The following EIF2AK1 variants were observed in gnomAD, a reference collection of about 807,000 sequenced individuals.
EIF2AK1 encodes eukaryotic translation initiation factor 2-alpha kinase 1.
A neutral mutation model predicts 77.9 loss-of-function variants in EIF2AK1; 54 were observed. That is an observed-to-expected ratio of 0.69 (90% CI 0.56 to 0.87). EIF2AK1 has a LOEUF of 0.87. Ranked by LOEUF, EIF2AK1 falls within the 40% of genes least tolerant of loss-of-function variation. The pLI is 0.00. For missense variants in EIF2AK1, 810 were observed against 768.6 expected, an observed-to-expected ratio of 1.05 and a Z score of -0.64; for synonymous variants, 314 against 290.5, an observed-to-expected ratio of 1.08 and a Z score of -0.82.
rs3213665 is a variant in EIF2AK1, at chr7:6,048,789, A to G, written c.449+18T>C. 95,307 of 1,568,766 alleles carry G rather than the reference A, an allele frequency of 0.061. 5,777 individuals are homozygous for G. The highest frequency in any genetic ancestry group is 0.37 in the East Asian group (16,162 of 44,064). ...CTTTTCAATAGTCTGCATAATCAAG[A>G]AAGTTTTTCACACATACCTGATTTT... On this transcript the variant is annotated intron_variant, in intron 4 of 14. Coordinates refer to ENST00000199389, the MANE Select transcript of EIF2AK1 (RefSeq NM_014413.4).
chr7:6,058,917 C>T, intron 1 of EIF2AK1, 49 bp downstream of exon 1: 2 of 1,452,414 alleles, frequency 1.4e-6, no homozygotes, highest in Non-Finnish European at 1.8e-6. Context: ...CCCAGAAACG[C>T]AGGTGGACAG....
At chr7:6,043,964 C>T (rs1443025837) in intron 7 of EIF2AK1, among the ~76,000 whole-genome samples, 3 of 150,972 alleles carry the variant, frequency 2.0e-5, no homozygotes, top group East Asian at 2.0e-4. Flanking sequence ...CCAGGCGTGG[C>T]GGCACACACC....
At chr7:6,044,510 C>T (rs559940730) in intron 7 of EIF2AK1, 52 bp downstream of exon 7, 127 of 1,474,476 alleles carry the variant, frequency 8.6e-5, no homozygotes, top group Admixed American at 1.2e-4. Flanking sequence ...ATTTGGTGCA[C>T]GGGCTAAAGT....
chr7:6,047,444 G>C (rs1055651443), intron 4 of EIF2AK1, among the ~76,000 whole-genome samples: 6 of 152,108 alleles, frequency 3.9e-5, no homozygotes, highest in African/African-American at 1.4e-4. Context: ...GGAGGCCGAG[G>C]AGGGCAGATC....
chr7:6,053,163 C>G (rs1048842267), intron 2 of EIF2AK1, among the ~76,000 whole-genome samples: 18 of 152,192 alleles, frequency 1.2e-4, no homozygotes, highest in African/African-American at 4.3e-4. Context: ...TTTCCAGACT[C>G]ACAGCATTAA....
rs753779282 is a variant in EIF2AK1, at chr7:6,023,339, T to C, written c.*1334A>G. On this transcript the variant is annotated 3_prime_UTR_variant, in exon 15 of 15. Coordinates refer to ENST00000199389, the MANE Select transcript of EIF2AK1 (RefSeq NM_014413.4). ...CAGATGAAATTCAGCATCCAGACGATGTGCCCCATCGAAGGCGAAGGGAAC... is the reference window on the plus strand; with the variant it reads ...CAGATGAAATTCAGCATCCAGACGACGTGCCCCATCGAAGGCGAAGGGAAC... The C allele has an allele frequency of 9.3e-6, 15 of 1,609,646 alleles. No homozygotes were observed. Among genetic ancestry groups the C allele is most frequent in the Non-Finnish European group, 1.3e-5 (15 of 1,178,704 alleles).
intron 11 of EIF2AK1, among the ~76,000 whole-genome samples, chr7:6,034,298 C>T (rs991749108): frequency 6.6e-6 from 1 of 151,946 alleles, no homozygotes; most frequent in Non-Finnish European, 1.5e-5. Flanking sequence ...CAGAGCAAGA[C>T]TCCATCTCAA....
At chr7:6,031,569 G>C in intron 11 of EIF2AK1, 1 of 1,550,746 alleles carries the variant, frequency 6.4e-7, no homozygotes, top group Non-Finnish European at 8.7e-7. Flanking sequence ...AACTCCGCCA[G>C]CAACAGATTA....
At chr7:6,054,864 C>T (rs1219369454) in intron 1 of EIF2AK1, among the ~76,000 whole-genome samples, 160 bp from the exon 2 acceptor site, 1 of 152,112 alleles carries the variant, frequency 6.6e-6, no homozygotes, top group African/African-American at 2.4e-5. Flanking sequence ...GAAAGGCTTT[C>T]TGGAAGTGAA....
Position 6,059,017 on chromosome 7 carries a change from C to G in EIF2AK1, c.67G>C (p.Ala23Pro). Residue 23 changes from alanine to proline, a missense_variant, in exon 1 of 15, where the codon GCG becomes CCG. By Grantham distance (27) the Ala-to-Pro change is conservative. This residue lies in a region of EIF2AK1 where 246 missense variants were observed against 199.0 expected (regional missense o/e 1.24). Transcript: ENST00000199389. ...GCGGGAAAGTCGATGGCCGGCGGCG[C>G]AGCCACAGCCCCAGCCCCGTCGCCC... ...EEGDGAGAVA[A>P]PPAIDFPAEG... is the part of the protein sequence containing the mutation. 6.5e-7 allele frequency: 1 copy of G among 1,541,394 alleles called. No homozygotes were observed. Among genetic ancestry groups the G allele is most frequent in the Non-Finnish European group, 8.7e-7 (1 of 1,148,472 alleles).
At chr7:6,058,305 T>G (rs1788850976) in intron 1 of EIF2AK1, 1 of 371,784 alleles carries the variant, frequency 2.7e-6, no homozygotes, top group Non-Finnish European at 5.3e-6. Context: ...TGGTCCCAGC[T>G]ACTCGGGAGG....
In EIF2AK1 at chr7:6,044,918, G is replaced by A. The variant is rs560013913; in HGVS notation, c.631-257C>T. ...CAACTATTGAGTAATGTAAGTGTTC[G>A]AAGCACATTTAAGGTAGGCAGGGTA... On this transcript the variant is annotated intron_variant, in intron 6 of 14. Coordinates refer to ENST00000199389, the MANE Select transcript of EIF2AK1 (RefSeq NM_014413.4). Among the ~76,000 whole-genome samples the A allele has an allele frequency of 6.6e-5, 10 of 152,158 alleles. 1 individual carries two copies. Among genetic ancestry groups the A allele is most frequent in the African/African-American group, 2.2e-4 (9 of 41,510 alleles).
chr7:6,052,583 G>T (rs1423675987), intron 2 of EIF2AK1, among the ~76,000 whole-genome samples: 1 of 44,826 alleles, frequency 2.2e-5, no homozygotes, highest in African/African-American at 1.0e-4. Flanking sequence ...GACTGTTTTG[G>T]TAAAAAAAAA....
Position 6,037,500 on chromosome 7 carries a change from G to C in EIF2AK1, c.1256C>G (p.Ala419Gly). The C allele has an allele frequency of 6.2e-7, 1 of 1,607,926 alleles. No individual in the cohort carries two copies. Among genetic ancestry groups the C allele is most frequent in the Non-Finnish European group, 8.5e-7 (1 of 1,176,962 alleles). Residue 419 changes from alanine to glycine, a missense_variant, in exon 11 of 15, where the codon GCA (alanine) becomes GGA (glycine). By Grantham distance (60) the Ala-to-Gly change is moderately conservative. Coordinates refer to ENST00000199389, the MANE Select transcript of EIF2AK1 (RefSeq NM_014413.4). ...TACCAATTCTTGAAAAATTTTTGTT[G>C]CAACATTGGCCATAACATAAGGACC... The part of the protein sequence containing the change: ...SACPYVMANV[A>G]TKIFQELVEG...
intron 11 of EIF2AK1, among the ~76,000 whole-genome samples, chr7:6,030,674 T>C (rs1420141379): frequency 6.6e-6 from 1 of 152,162 alleles, no homozygotes; most frequent in Non-Finnish European, 1.5e-5. Context: ...ACTTTTTGTA[T>C]TTTTAGTAGC....
chr7:6,041,940 G>C (rs1788310894), intron 8 of EIF2AK1, among the ~76,000 whole-genome samples: 1 of 148,466 alleles, frequency 6.7e-6, no homozygotes, highest in East Asian at 2.0e-4. Context: ...CTTGAGCCCA[G>C]GAGTTCAACA....
At chr7:6,031,251 TC>T in intron 11 of EIF2AK1, 1 of 923,900 alleles carries the variant, frequency 1.1e-6, no homozygotes. Flanking sequence ...TGGATTGCCT[TC>T]ACAGATCCAA....
At chr7:6,054,822 A>C in intron 1 of EIF2AK1, 118 bp from the exon 2 acceptor site, 1 of 1,069,058 alleles carries the variant, frequency 9.4e-7, no homozygotes. Flanking sequence ...ATAAAAACCA[A>C]AAGAATAGTT....
intron 2 of EIF2AK1, among the ~76,000 whole-genome samples, chr7:6,053,353 A>G (rs758377778): frequency 1.3e-5 from 2 of 151,986 alleles, no homozygotes; most frequent in African/African-American, 2.4e-5. Context: ...CAATCCAATT[A>G]TATTCTTTTC....
Sources: gnomAD v4.1 joint callset for allele counts (sites outside exome capture counted in the v4.1 genomes callset) on GRCh38, gnomAD v4.1.1 for gene constraint, gnomAD v4.1.1 regional missense constraint, MANE v1.5 for transcripts, NCBI Gene and HGNC (gene_info 2026-07-23, HGNC 2026-07-21) for gene names.